HDAC9: variants seen among roughly 807,000 people sequenced by gnomAD.
The protein encoded by HDAC9 is histone deacetylase 9.
HDAC9 carries 41 observed loss-of-function variants against 139.4 expected under a neutral mutation model. That is an observed-to-expected ratio of 0.29 (90% CI 0.23 to 0.38). The LOEUF is 0.38. Among genes scored for constraint, HDAC9 ranks in the 10% least tolerant of loss-of-function variants. HDAC9 has a pLI of 1.00. For missense variants in HDAC9, 1,147 were observed against 1,297.0 expected (o/e 0.88, Z 1.78); for synonymous variants, 517 against 476.2 (o/e 1.09, Z -1.12).
At chr7:18,702,777 T>C (rs1368840719) in intron 12 of HDAC9, among the ~76,000 whole-genome samples, 1 of 152,200 alleles carries the variant, frequency 6.6e-6, no homozygotes, top group African/African-American at 2.4e-5. Context: ...TTACCAAAAA[T>C]CTCTGCCCAC....
intron 1 of HDAC9, among the ~76,000 whole-genome samples, chr7:18,337,750 G>A (rs1585240489): frequency 6.6e-6 from 1 of 151,742 alleles, no homozygotes; most frequent in South Asian, 2.1e-4. Flanking sequence ...AAATGATTGG[G>A]CATGTGCCAC....
intron 1 of HDAC9, chr7:18,325,540 T>A (rs1336412478): frequency 1.3e-5 from 2 of 152,064 alleles, no homozygotes; most frequent in Non-Finnish European, 2.9e-5. Context: ...TTGCCCAGGC[T>A]GGTATCAAAC....
intron 6 of HDAC9, among the ~76,000 whole-genome samples, chr7:18,608,530 T>G (rs1360275641): frequency 6.6e-6 from 1 of 152,168 alleles, no homozygotes; most frequent in Non-Finnish European, 1.5e-5. Context: ...CTAAAGTTAT[T>G]TTTCATAGAA....
chr7:18,287,433 G>A (rs553626123), upstream of HDAC9, among the ~76,000 whole-genome samples: 7 of 152,290 alleles, frequency 4.6e-5, no homozygotes, highest in East Asian at 1.4e-3. Flanking sequence ...GTTGTTATAT[G>A]TTTTTGATTG....
At chr7:18,244,476 T>G (rs1794386716) in intron 2 of HDAC9, among the ~76,000 whole-genome samples, 1 of 152,168 alleles carries the variant, frequency 6.6e-6, no homozygotes, top group Non-Finnish European at 1.5e-5. Flanking sequence ...GTCCTTGACT[T>G]CTCTGAGCTT....
upstream of HDAC9, among the ~76,000 whole-genome samples, chr7:18,493,171 T>G (rs1351656184): frequency 6.6e-6 from 1 of 151,940 alleles, no homozygotes; most frequent in Non-Finnish European, 1.5e-5. Context: ...AGCTGAGAGA[T>G]CTTTTTTTAT....
intron 22 of HDAC9, among the ~76,000 whole-genome samples, chr7:18,878,775 C>G (rs890000132): frequency 3.3e-5 from 5 of 151,526 alleles, no homozygotes; most frequent in Non-Finnish European, 5.9e-5. Flanking sequence ...TTCTCTCTAC[C>G]ACTCCTATTC....
intron 2 of HDAC9, among the ~76,000 whole-genome samples, chr7:18,568,772 G>C (rs898981989): frequency 5.3e-4 from 80 of 152,160 alleles, no homozygotes; most frequent in African/African-American, 1.9e-3. Context: ...ATTGGGCCGG[G>C]CGCAGTGGCT....
rs139550387 is a variant in HDAC9 at position 18,224,991 on chromosome 7, A to G, written c.25+62642A>G. 9.4e-4 allele frequency among the ~76,000 whole-genome samples: 143 copies of G among 152,198 alleles called. 3 individuals carry two copies. The East Asian group carries it at 0.026, about 27-fold the overall frequency. ...AGTAAAGATGATGGAAGTTTAGTAA[A>G]ATGGACTGATACTTACAGGCATAGT... is the stretch of plus-strand genomic sequence containing the variant. On this transcript the variant is annotated intron_variant, in intron 2 of 12. Coordinates refer to the HDAC9 transcript ENST00000417496.
intron 2 of HDAC9, among the ~76,000 whole-genome samples, chr7:18,507,751 A>G (rs189380223): frequency 2.5e-3 from 378 of 152,314 alleles, no homozygotes; most frequent in Non-Finnish European, 4.3e-3. Flanking sequence ...TTGGCCTCCC[A>G]TGTTTTTAAA....
intron 23 of HDAC9, among the ~76,000 whole-genome samples, chr7:18,944,887 G>A (rs1281475581): frequency 1.3e-5 from 2 of 152,116 alleles, no homozygotes; most frequent in Non-Finnish European, 2.9e-5. Context: ...TTCACATATA[G>A]TATTCCATTC....
At chr7:18,579,188 A>G (rs1390635966) in intron 2 of HDAC9, among the ~76,000 whole-genome samples, 1 of 152,216 alleles carries the variant, frequency 6.6e-6, no homozygotes, top group Non-Finnish European at 1.5e-5. Context: ...AGTCTGCAAC[A>G]AAGAACAGAA....
chr7:18,662,515 A>G (rs1040772081), intron 11 of HDAC9, among the ~76,000 whole-genome samples: 1 of 152,058 alleles, frequency 6.6e-6, no homozygotes, highest in Non-Finnish European at 1.5e-5. Flanking sequence ...TGGAGGACAC[A>G]GTGGATAATT....
chr7:18,742,365 C>G (rs1787540057), intron 13 of HDAC9, among the ~76,000 whole-genome samples: 1 of 152,182 alleles, frequency 6.6e-6, no homozygotes, highest in African/African-American at 2.4e-5. Flanking sequence ...AAGATTATGA[C>G]TCACTGAAAG....
chr7:18,426,954 C>CT (rs1040703381), intron 1 of HDAC9, among the ~76,000 whole-genome samples: 39 of 151,470 alleles, frequency 2.6e-4, no homozygotes, highest in South Asian at 2.5e-3. Flanking sequence ...TGTTTTCTTT[C>CT]TTTTTTTTTC....
chr7:18,793,288 C>A (rs752791236), intron 16 of HDAC9, 57 bp from the exon 17 acceptor site: 20 of 1,230,018 alleles, frequency 1.6e-5, no homozygotes, highest in Non-Finnish European at 2.1e-5. Flanking sequence ...CCTTTCATCT[C>A]TTCCTTCTCT....
At chr7:18,242,721 T>C (rs909419591) in intron 2 of HDAC9, among the ~76,000 whole-genome samples, 1 of 152,208 alleles carries the variant, frequency 6.6e-6, no homozygotes, top group African/African-American at 2.4e-5. Flanking sequence ...CCTTCTACTT[T>C]TTTCTACTAT....
At chr7:18,561,502 A>G (rs1021153506) in intron 2 of HDAC9, among the ~76,000 whole-genome samples, 4 of 152,186 alleles carry the variant, frequency 2.6e-5, no homozygotes, top group African/African-American at 4.8e-5. Flanking sequence ...ATTTTAGTCT[A>G]TTCACATGGT....
intron 1 of HDAC9, among the ~76,000 whole-genome samples, chr7:18,418,740 A>C (rs1220756982): frequency 6.7e-6 from 1 of 150,238 alleles, no homozygotes; most frequent in Non-Finnish European, 1.5e-5. Flanking sequence ...TTTTTTTTTA[A>C]TATGATAGCT....
Sources: allele counts gnomAD v4.1 joint callset (sites outside exome capture counted in the v4.1 genomes callset), GRCh38; gene constraint gnomAD v4.1.1; transcripts MANE v1.5; gene names NCBI Gene and HGNC (gene_info 2026-07-23, HGNC 2026-07-21).